HACD2: variants seen among roughly 807,000 people sequenced by gnomAD.
HACD2 encodes the protein 3-hydroxyacyl-CoA dehydratase 2, also known as very-long-chain (3R)-3-hydroxyacyl-CoA dehydratase 2.
In HACD2, 15 loss-of-function variants were observed where a neutral mutation model predicts 31.0. The ratio of observed to expected loss-of-function variants is 0.48; its 90% confidence interval spans 0.32 to 0.75. The LOEUF (loss-of-function observed/expected upper bound fraction) is 0.75. Ranked by LOEUF, HACD2 falls within the 30% of genes least tolerant of loss-of-function variation. HACD2 has a pLI of 0.03. For missense variants in HACD2, 283 were observed against 313.0 expected, an observed-to-expected ratio of 0.90 and a Z score of 0.72; for synonymous variants, 115 against 122.2, an observed-to-expected ratio of 0.94 and a Z score of 0.39.
chr3:123,572,939 C>T (rs879683791), intron 2 of HACD2, among the ~76,000 whole-genome samples: 3 of 152,054 alleles, frequency 2.0e-5, no homozygotes, highest in Admixed American at 1.3e-4. Context: ...GGCTCAGTTA[C>T]GCACCCCTGG....
intron 4 of HACD2, among the ~76,000 whole-genome samples, chr3:123,505,875 C>T (rs2055969135): frequency 6.6e-6 from 1 of 152,212 alleles, no homozygotes; most frequent in Non-Finnish European, 1.5e-5. Context: ...CTAAGAAAAA[C>T]TGAGTAACAA....
At chr3:123,546,362 T>C (rs567156588) in intron 3 of HACD2, among the ~76,000 whole-genome samples, 2 of 152,320 alleles carry the variant, frequency 1.3e-5, no homozygotes, top group South Asian at 2.1e-4. Flanking sequence ...CACTATACAA[T>C]GTCCCTTTCT....
chr3:123,570,917 T>TACACACACAC (rs149856963), intron 2 of HACD2, among the ~76,000 whole-genome samples: 1,596 of 144,836 alleles, frequency 0.011, 23 homozygotes, highest in African/African-American at 0.03. Flanking sequence ...TTCATACCAT[T>TACACACACAC]ACACACACAC....
chr3:123,512,957 T>C (rs1223231034), intron 4 of HACD2, among the ~76,000 whole-genome samples: 1 of 152,132 alleles, frequency 6.6e-6, no homozygotes, highest in Non-Finnish European at 1.5e-5. Context: ...TAAGTTACCA[T>C]CCTCTACTAA....
At chr3:123,552,136 C>T (rs774182978) in intron 3 of HACD2, among the ~76,000 whole-genome samples, 2 of 152,112 alleles carry the variant, frequency 1.3e-5, no homozygotes, top group Non-Finnish European at 2.9e-5. Flanking sequence ...AAAATCACTC[C>T]TGAAAGAGAC....
intron 4 of HACD2, among the ~76,000 whole-genome samples, chr3:123,506,864 T>G (rs2055981980): frequency 1.3e-5 from 2 of 151,720 alleles, no homozygotes; most frequent in Non-Finnish European, 2.9e-5. Context: ...TCAGGAGGGG[T>G]TTTTTGAGGG....
intron 3 of HACD2, among the ~76,000 whole-genome samples, chr3:123,537,896 T>C (rs2056445591): frequency 6.6e-6 from 1 of 152,186 alleles, no homozygotes; most frequent in African/African-American, 2.4e-5. Context: ...TCATTATTCT[T>C]AACAATAAAT....
At chr3:123,534,140 C>T (rs1469830655) in intron 3 of HACD2, among the ~76,000 whole-genome samples, 2 of 152,054 alleles carry the variant, frequency 1.3e-5, no homozygotes, top group Non-Finnish European at 2.9e-5. Flanking sequence ...AACCACTGAG[C>T]CCTGCAAAGC....
At chr3:123,509,113 A>C (rs1016363299) in intron 4 of HACD2, among the ~76,000 whole-genome samples, 1 of 152,210 alleles carries the variant, frequency 6.6e-6, no homozygotes, top group African/African-American at 2.4e-5. Flanking sequence ...GCTATAGACT[A>C]GGTGTTGGCA....
chr3:123,527,538 A>T (rs1178330504), intron 4 of HACD2, among the ~76,000 whole-genome samples: 1 of 152,194 alleles, frequency 6.6e-6, no homozygotes, highest in East Asian at 1.9e-4. Flanking sequence ...TATTTTATTT[A>T]AAAACAGCCC....
chr3:123,495,594 G>A (rs2055822669), intron 6 of HACD2, among the ~76,000 whole-genome samples: 1 of 24,400 alleles, frequency 4.1e-5, no homozygotes, highest in East Asian at 3.4e-3. Flanking sequence ...AGGTTTGGAT[G>A]TTAAAAAAAA....
chr3:123,539,477 C>T lies in HACD2; in HGVS notation c.293-11003G>A, dbSNP rs1186826834. Among the ~76,000 whole-genome samples the T allele has an allele frequency of 2.0e-5, 3 of 151,546 alleles. No individual in the cohort carries two copies. The East Asian group carries it at 5.9e-4, about 30-fold the overall frequency. On this transcript the variant is annotated intron_variant, in intron 3 of 6. Coordinates refer to ENST00000383657, the MANE Select transcript of HACD2 (RefSeq NM_198402.5). ...CCCAGCTACTCGGGAGGCTGAGGCA[C>T]AAGAATCACTTGAACCCAGGAGGGC...
intron 3 of HACD2, among the ~76,000 whole-genome samples, chr3:123,545,082 T>C (rs1030421250): frequency 2.7e-5 from 4 of 148,502 alleles, no homozygotes; most frequent in Non-Finnish European, 6.0e-5. Flanking sequence ...TAATTATTTC[T>C]GGGTAATGAG....
intron 3 of HACD2, among the ~76,000 whole-genome samples, chr3:123,534,546 C>T (rs757028904): frequency 6.6e-5 from 10 of 151,586 alleles, no homozygotes; most frequent in East Asian, 1.9e-4. Context: ...TGATAATAAA[C>T]GACTATGTAA....
At chr3:123,532,564 C>T (rs531129607) in intron 3 of HACD2, among the ~76,000 whole-genome samples, 36 of 152,338 alleles carry the variant, frequency 2.4e-4, no homozygotes, top group African/African-American at 7.5e-4. Flanking sequence ...GGCACAGTGG[C>T]TTACGCCTGT....
At chr3:123,572,367 G>T (rs1006989308) in intron 2 of HACD2, among the ~76,000 whole-genome samples, 2 of 152,148 alleles carry the variant, frequency 1.3e-5, no homozygotes, top group African/African-American at 4.8e-5. Flanking sequence ...AACTAGCTGG[G>T]CCTGGTGGCA....
At chr3:123,581,670 T>A (rs2056967937) in intron 2 of HACD2, among the ~76,000 whole-genome samples, 1 of 152,258 alleles carries the variant, frequency 6.6e-6, no homozygotes, top group Non-Finnish European at 1.5e-5. Flanking sequence ...CTTTTTTGCT[T>A]AAAATAGTTT....
At chr3:123,530,940 T>C (rs777630759) in intron 3 of HACD2, among the ~76,000 whole-genome samples, 3 of 152,090 alleles carry the variant, frequency 2.0e-5, no homozygotes, top group Non-Finnish European at 4.4e-5. Context: ...CAATTTCGGC[T>C]CACTGCAACC....
chr3:123,519,313 T>C (rs556522489), intron 4 of HACD2, among the ~76,000 whole-genome samples: 12 of 152,312 alleles, frequency 7.9e-5, no homozygotes, highest in Admixed American at 3.3e-4. Context: ...ACTCCAGACT[T>C]GGAAAGAGTC....
Sources: gnomAD v4.1 joint callset for allele counts (sites outside exome capture counted in the v4.1 genomes callset) on GRCh38, gnomAD v4.1.1 for gene constraint, MANE v1.5 for transcripts, NCBI Gene and HGNC (gene_info 2026-07-23, HGNC 2026-07-21) for gene names.